Variants in IGF2BP1 observed in about 807,000 individuals in gnomAD.
IGF2BP1 encodes insulin-like growth factor 2 mRNA-binding protein 1.
In IGF2BP1, 11 loss-of-function variants were observed where a neutral mutation model predicts 74.9. The ratio of observed to expected loss-of-function variants is 0.15; its 90% CI spans 0.09 to 0.24. The LOEUF (loss-of-function observed/expected upper bound fraction) is 0.24, where lower values mean the gene tolerates loss of function less well. Ranked by LOEUF, IGF2BP1 falls within the 10% of genes least tolerant of loss-of-function variation. IGF2BP1 has a pLI of 1.00. For missense variants in IGF2BP1, 440 were observed against 757.4 expected (o/e 0.58, Z 4.92); for synonymous variants, 287 against 281.8 (o/e 1.02, Z -0.18).
intron 5 of IGF2BP1, among the ~76,000 whole-genome samples, chr17:49,032,243 C>T (rs1285301587): frequency 6.6e-6 from 1 of 152,118 alleles, no homozygotes; most frequent in Non-Finnish European, 1.5e-5. Flanking sequence ...CAAAGCCCTC[C>T]CAGATAAGTG....
intron 4 of IGF2BP1, among the ~76,000 whole-genome samples, chr17:49,027,505 G>A (rs1418234116): frequency 6.6e-6 from 1 of 152,122 alleles, no homozygotes; most frequent in Non-Finnish European, 1.5e-5. Flanking sequence ...GGTAAGCAAA[G>A]TCTTTTGAAG....
chr17:48,999,923 GGTGTGTGTGTGTGTGTGTGTGTGT>G (rs371605973), intron 2 of IGF2BP1, among the ~76,000 whole-genome samples: 1 of 134,024 alleles, frequency 7.5e-6, no homozygotes, highest in Admixed American at 7.6e-5. Context: ...GTGGATGAAT[GGTGTGTGTGTGTGTGTGTGTGTGT>G]GTGTGTGTGT....
At chr17:49,009,302 G>T (rs1180350455) in intron 2 of IGF2BP1, among the ~76,000 whole-genome samples, 1 of 152,098 alleles carries the variant, frequency 6.6e-6, no homozygotes, top group Admixed American at 6.5e-5. Flanking sequence ...AAGGTGCTGG[G>T]ATTACAGGCG....
chr17:49,011,595 A>G (rs575101526), intron 2 of IGF2BP1, among the ~76,000 whole-genome samples: 2 of 152,104 alleles, frequency 1.3e-5, no homozygotes, highest in Non-Finnish European at 2.9e-5. Context: ...AGGTTGAGGC[A>G]GGAAGGTTGC....
chr17:49,032,444 T>C (rs1370499513), intron 5 of IGF2BP1, among the ~76,000 whole-genome samples: 1 of 146,516 alleles, frequency 6.8e-6, no homozygotes, highest in African/African-American at 2.6e-5. Flanking sequence ...TAGCTGGTGA[T>C]AGTTGTGGGG....
At chr17:49,014,338 C>T (rs1483833972) in intron 2 of IGF2BP1, among the ~76,000 whole-genome samples, 1 of 149,346 alleles carries the variant, frequency 6.7e-6, no homozygotes, top group African/African-American at 2.5e-5. Flanking sequence ...CAGTCGCCGT[C>T]CCCCTCAGTG....
intron 14 of IGF2BP1, among the ~76,000 whole-genome samples, chr17:49,047,748 C>A (rs935369085): frequency 6.7e-6 from 1 of 148,344 alleles, no homozygotes; most frequent in Non-Finnish European, 1.5e-5. Flanking sequence ...GGGTCTCGCT[C>A]TGCCATCCAG....
At chr17:49,011,053 G>A (rs572678011) in intron 2 of IGF2BP1, among the ~76,000 whole-genome samples, 106 of 139,688 alleles carry the variant, frequency 7.6e-4, no homozygotes, top group Non-Finnish European at 1.4e-3. Context: ...CAGGAGAATC[G>A]CTTGAACCCG....
chr17:49,034,839 T>G (rs1428080094), intron 5 of IGF2BP1, among the ~76,000 whole-genome samples: 2 of 151,330 alleles, frequency 1.3e-5, no homozygotes, highest in Admixed American at 1.3e-4. Context: ...CCAAAGGAGG[T>G]GCCAGACTTA....
intron 2 of IGF2BP1, chr17:49,017,994 CT>C (rs2041729668): frequency 6.6e-6 from 1 of 152,064 alleles, no homozygotes; most frequent in Admixed American, 6.5e-5. Context: ...AATTCCTGAC[CT>C]CAGGTGATCC....
At chr17:49,041,530 G>T in intron 8 of IGF2BP1, 30 bp downstream of exon 8, 1 of 1,613,592 alleles carries the variant, frequency 6.2e-7, no homozygotes, top group East Asian at 2.2e-5. Context: ...CCCTGTTTAT[G>T]AGTGGGGGAT....
At chr17:48,997,124 G>A (rs1232378422), upstream of IGF2BP1, among the ~76,000 whole-genome samples, 1 of 152,152 alleles carries the variant, frequency 6.6e-6, no homozygotes, top group Non-Finnish European at 1.5e-5. The surrounding 1 kb of genome is among the most constrained non-coding windows in gnomAD (Gnocchi z 4.8). Context: ...GTTTGGGCTG[G>A]GGTAGGGGGA....
intron 4 of IGF2BP1, among the ~76,000 whole-genome samples, chr17:49,029,789 G>A (rs1455623768): frequency 4.0e-5 from 6 of 151,176 alleles, no homozygotes; most frequent in South Asian, 2.1e-4. Context: ...TACTGCACCC[G>A]GCTGATTTTT....
chr17:49,043,937 C>T (rs71379327), intron 10 of IGF2BP1, 30 bp from the exon 11 acceptor site: 3 of 1,610,310 alleles, frequency 1.9e-6, no homozygotes, highest in African/African-American at 1.3e-5. Flanking sequence ...TACTTGGGCC[C>T]CCTGGTAACA....
chr17:49,027,901 T>C (rs949537913), intron 4 of IGF2BP1, among the ~76,000 whole-genome samples: 57 of 128,572 alleles, frequency 4.4e-4, no homozygotes, highest in African/African-American at 1.6e-3. Flanking sequence ...CTGGGCACAA[T>C]GACTCACACC....
At chr17:49,010,463 G>C (rs935822849) in intron 2 of IGF2BP1, among the ~76,000 whole-genome samples, 1 of 151,594 alleles carries the variant, frequency 6.6e-6, no homozygotes, top group East Asian at 2.0e-4. Context: ...GACTACAGGC[G>C]CCCGCCACCA....
At chr17:49,045,350 C>T (rs185615741) in intron 12 of IGF2BP1, among the ~76,000 whole-genome samples, 1 of 152,214 alleles carries the variant, frequency 6.6e-6, no homozygotes, top group Non-Finnish European at 1.5e-5. Context: ...CTAAGGAAGG[C>T]CTTTAATGCC....
intron 2 of IGF2BP1, 49 bp from the exon 3 acceptor site, chr17:49,025,569 C>G: frequency 1.3e-6 from 2 of 1,548,356 alleles, no homozygotes; most frequent in East Asian, 4.5e-5. Flanking sequence ...TTCACAGACC[C>G]CTAATGTATT....
At chr17:49,017,311 C>G (rs1338661570) in intron 2 of IGF2BP1, among the ~76,000 whole-genome samples, 1 of 152,172 alleles carries the variant, frequency 6.6e-6, no homozygotes, top group Non-Finnish European at 1.5e-5. Flanking sequence ...AACCAGGTCC[C>G]CTGCTGGACT....
Sources: allele counts gnomAD v4.1 joint callset (sites outside exome capture counted in the v4.1 genomes callset), GRCh38; gene constraint gnomAD v4.1.1; non-coding constraint Gnocchi (gnomAD v3.1); transcripts MANE v1.5; gene names NCBI Gene and HGNC (gene_info 2026-07-23, HGNC 2026-07-21).